PDE4B: variants seen among roughly 807,000 people sequenced by gnomAD.
PDE4B encodes phosphodiesterase 4B.
Under a neutral mutation model 82.2 loss-of-function variants are expected in PDE4B, and 20 were observed. The ratio of observed to expected loss-of-function variants is 0.24; its 90% CI spans 0.17 to 0.35. The LOEUF is 0.35. PDE4B is among the 10% of genes least tolerant of loss of function. The probability of loss-of-function intolerance (pLI) is 1.00; values close to 1 mark genes in which losing one functional copy is unlikely to be tolerated. For synonymous variants in PDE4B, 320 were observed against 318.9 expected, an observed-to-expected ratio of 1.00 and a Z score of -0.04; for missense variants, 655 against 907.2, an observed-to-expected ratio of 0.72 and a Z score of 3.57.
rs371036273 is a variant in PDE4B, at chr1:65,823,594, G to T, written c.-71+30346G>T. 5.3e-5 allele frequency among the ~76,000 whole-genome samples: 8 copies of T among 152,016 alleles called. No individual in the cohort carries two copies. In the South Asian group the frequency reaches 1.7e-3, roughly 32 times the overall value. The stretch of plus-strand genomic sequence containing the variant: ...CTTTTTACTGGTCTCTGAGCATCCA[G>T]TCTCCCCACTATCAATTCATCTGAC... On this transcript the variant is annotated intron_variant, in intron 1 of 16. Transcript: ENST00000341517.
chr1:66,142,449 C>A (rs1385525992), intron 3 of PDE4B, among the ~76,000 whole-genome samples: 2 of 152,064 alleles, frequency 1.3e-5, no homozygotes, highest in Non-Finnish European at 2.9e-5. Context: ...TAAAGAAAAT[C>A]ATAGGAGGAA....
At chr1:66,218,628 T>C (rs911078703) in intron 3 of PDE4B, among the ~76,000 whole-genome samples, 4 of 152,072 alleles carry the variant, frequency 2.6e-5, no homozygotes, top group African/African-American at 9.7e-5. Context: ...CCAGAAGATG[T>C]TAATCTTTCC....
chr1:65,990,771 A>G lies in PDE4B; in HGVS notation c.281+71936A>G, dbSNP rs149789104. Among the ~76,000 whole-genome samples the G allele has an allele frequency of 9.8e-5, 15 of 152,326 alleles. No individual in the cohort carries two copies. In the East Asian group the frequency reaches 2.5e-3, roughly 25 times the overall value. ...TAATATGATTTTAGGTAAGTTGCTT[A>G]AATTCTCTAGCTCTGTTACCTTGTC... On this transcript the variant is annotated intron_variant, in intron 3 of 16. Coordinates refer to ENST00000341517, the MANE Select transcript of PDE4B (RefSeq NM_002600.4).
At chr1:66,306,125 A>G (rs1237411098) in intron 7 of PDE4B, among the ~76,000 whole-genome samples, 4 of 152,282 alleles carry the variant, frequency 2.6e-5, no homozygotes, top group Admixed American at 2.0e-4. Context: ...CAGAACTTGT[A>G]TTGGTAATAA....
Position 66,276,053 on chromosome 1 carries a change from T to C in PDE4B, c.634+9966T>C, listed in dbSNP as rs539024163. The stretch of plus-strand genomic sequence containing the variant: ...TTCTCTCTGCCCCCTCAGTTGTATT[T>C]GGGGCTTCAAATTTCTAGGGTCTAG... On this transcript the variant is annotated intron_variant, in intron 7 of 16. Coordinates refer to ENST00000341517, the MANE Select transcript of PDE4B (RefSeq NM_002600.4). Among the ~76,000 whole-genome samples the C allele has an allele frequency of 1.2e-4, 19 of 152,248 alleles. No individual in the cohort carries two copies. In the South Asian group the frequency reaches 3.9e-3, roughly 32 times the overall value.
chr1:65,902,497 T>G (rs79061079), intron 1 of PDE4B, among the ~76,000 whole-genome samples: 5 of 152,298 alleles, frequency 3.3e-5, no homozygotes, highest in African/African-American at 1.2e-4. Context: ...ACTTTCTTGA[T>G]GAAGCCTTCC....
chr1:66,298,853 T>C (rs749980979), intron 7 of PDE4B, among the ~76,000 whole-genome samples: 13 of 152,158 alleles, frequency 8.5e-5, no homozygotes, highest in Non-Finnish European at 8.8e-5. Context: ...TTCACATGGA[T>C]CTGAAAACAT....
At chr1:65,963,861 G>A (rs1649670803) in intron 3 of PDE4B, among the ~76,000 whole-genome samples, 1 of 152,072 alleles carries the variant, frequency 6.6e-6, no homozygotes, top group Non-Finnish European at 1.5e-5. Flanking sequence ...AGCTTGGACT[G>A]TACAAATACC....
intron 3 of PDE4B, among the ~76,000 whole-genome samples, chr1:66,004,230 C>T (rs1205743169): frequency 6.6e-6 from 1 of 152,042 alleles, no homozygotes; most frequent in Non-Finnish European, 1.5e-5. Flanking sequence ...ACTAATGTAT[C>T]GAGAGCTTAT....
chr1:66,027,387 C>T (rs963898802), intron 3 of PDE4B, among the ~76,000 whole-genome samples: 7 of 152,162 alleles, frequency 4.6e-5, no homozygotes, highest in African/African-American at 1.4e-4. Flanking sequence ...TGGGTCCCTC[C>T]CACAACATGT....
chr1:66,183,495 G>A (rs1470473690), intron 3 of PDE4B, among the ~76,000 whole-genome samples: 1 of 152,116 alleles, frequency 6.6e-6, no homozygotes, highest in Non-Finnish European at 1.5e-5. Context: ...AGCAATGACA[G>A]GAAGGACTCA....
chr1:65,984,997 C>T (rs1014244503), intron 3 of PDE4B, among the ~76,000 whole-genome samples: 3 of 151,830 alleles, frequency 2.0e-5, no homozygotes, highest in South Asian at 4.2e-4. Context: ...CTATTTTCTT[C>T]GTTATGAACT....
intron 13 of PDE4B, among the ~76,000 whole-genome samples, chr1:66,366,854 C>T (rs2102052046): frequency 6.6e-6 from 1 of 152,270 alleles, no homozygotes; most frequent in East Asian, 1.9e-4. Context: ...CAAGAGTACT[C>T]ATTGGAGGTT....
At chr1:65,923,014 C>G (rs1343973096) in intron 3 of PDE4B, among the ~76,000 whole-genome samples, 1 of 152,066 alleles carries the variant, frequency 6.6e-6, no homozygotes, top group South Asian at 2.1e-4. Context: ...CCCCCTCCCC[C>G]ACAAAAATCT....
chr1:66,061,382 C>G (rs1007586477), intron 3 of PDE4B, among the ~76,000 whole-genome samples: 1 of 151,702 alleles, frequency 6.6e-6, no homozygotes, highest in African/African-American at 2.4e-5. Flanking sequence ...GGTCTGATGT[C>G]TGGATATGAG....
rs186139468 is a variant in PDE4B at position 66,328,149 on chromosome 1, T to G, written c.635-4359T>G. Among the ~76,000 whole-genome samples the G allele has an allele frequency of 5.9e-5, 9 of 152,326 alleles. 1 individual carries two copies. The East Asian group carries it at 1.7e-3, about 29-fold the overall frequency. On this transcript the variant is annotated intron_variant, in intron 7 of 16. Coordinates refer to ENST00000341517, the MANE Select transcript of PDE4B (RefSeq NM_002600.4). Reference sequence around the variant, plus strand: ...ATTAGCAGATTAATATTATAATTATTTACTAAATTTCTCTTCCTGTTTCTC... The same window carrying G: ...ATTAGCAGATTAATATTATAATTATGTACTAAATTTCTCTTCCTGTTTCTC...
chr1:65,945,266 G>GGTGT (rs1385645147), intron 3 of PDE4B, among the ~76,000 whole-genome samples: 1 of 151,908 alleles, frequency 6.6e-6, no homozygotes, highest in Non-Finnish European at 1.5e-5. Flanking sequence ...GCTTCTGGAT[G>GGTGT]GTGTGGTGGT....
intron 1 of PDE4B, among the ~76,000 whole-genome samples, chr1:65,911,186 T>TTAC (rs1288131677): frequency 2.0e-5 from 3 of 152,190 alleles, no homozygotes; most frequent in African/African-American, 7.2e-5. Context: ...CCTACTGATG[T>TTAC]TACCCTGGAC....
At chr1:66,268,560 C>T (rs541202108) in intron 7 of PDE4B, among the ~76,000 whole-genome samples, 124 of 148,162 alleles carry the variant, frequency 8.4e-4, no homozygotes, top group Non-Finnish European at 1.3e-3. Context: ...CCCAGCTACT[C>T]GGGAGGCTGA....
Sources: allele counts gnomAD v4.1 joint callset (sites outside exome capture counted in the v4.1 genomes callset), GRCh38; gene constraint gnomAD v4.1.1; transcripts MANE v1.5; gene names NCBI Gene and HGNC (gene_info 2026-07-23, HGNC 2026-07-21).